The following UGT2A2 variants were observed in gnomAD, a reference collection of about 807,000 sequenced individuals.
UGT2A2 encodes UDP glucuronosyltransferase family 2 member A2.
A neutral mutation model predicts 50.7 loss-of-function variants in UGT2A2; 60 were observed. The observed-to-expected ratio is 1.18, with a 90% CI of 0.96 to 1.47. The LOEUF (loss-of-function observed/expected upper bound fraction) is 1.47. Among genes scored for constraint, UGT2A2 ranks in the 40% most tolerant of loss-of-function variants. The pLI, the probability that UGT2A2 is intolerant of heterozygous loss-of-function variation, is 0.00. For missense variants in UGT2A2, 762 were observed against 634.0 expected, an observed-to-expected ratio of 1.20 and a Z score of -2.17; for synonymous variants, 242 against 214.6, an observed-to-expected ratio of 1.13 and a Z score of -1.11.
chr4:69,618,192 T>TGC (rs1720514140), intron 1 of UGT2A2, among the ~76,000 whole-genome samples: 1 of 49,070 alleles, frequency 2.0e-5, no homozygotes, highest in East Asian at 6.1e-4. Context: ...TAAGCATGTG[T>TGC]GTGTGTGTGT....
chr4:69,633,372 G>T (rs1473915344), intron 1 of UGT2A2, among the ~76,000 whole-genome samples: 1 of 152,116 alleles, frequency 6.6e-6, no homozygotes, highest in East Asian at 1.9e-4. Context: ...TGGCTAGTAG[G>T]TTTACTAGTT....
rs1298114477 is a variant in UGT2A2 at position 69,588,776 on chromosome 4, T to C, written c.*596A>G. On this transcript the variant is annotated 3_prime_UTR_variant, in exon 6 of 6. Coordinates refer to ENST00000604629, the MANE Select transcript of UGT2A2 (RefSeq NM_001105677.2). ...AAGTTATGCCGTGATTTTCTAGATA[T>C]GCTTAATGAAAATTTTGTAGACATT... 6.6e-6 allele frequency: 1 copy of C among 152,106 alleles called. No homozygotes were observed. Among genetic ancestry groups the C allele is most frequent in the Non-Finnish European group, 1.5e-5 (1 of 68,028 alleles). The allele number at this position is 152,106 out of a possible 1,614,324, so 9.4% of individuals were successfully genotyped here.
chr4:69,639,435 A>G lies in UGT2A2; in HGVS notation c.206T>C (p.Phe69Ser), dbSNP rs763063281. ...VTVLASSATL[F>S]INSNPDSPVN... ...AGGAGAATCGGGATTGGAGTTGATG[A>G]ATAGAGTTGCTGATGAAGCCAGTAC... is the stretch of plus-strand genomic sequence containing the variant. Residue 69 changes from phenylalanine (F) to serine (S), a missense_variant, in exon 1 of 6, where the codon TTC becomes TCC. Transcript: ENST00000604629. 1.2e-6 allele frequency: 2 copies of G among 1,613,148 alleles called. No homozygotes were observed. The highest frequency in any genetic ancestry group is 2.7e-5 in the African/African-American group (2 of 74,894).
At position 69,639,486 on chromosome 4, in the gene UGT2A2, A is replaced by C. The variant is rs202077950; in HGVS notation, c.155T>G (p.Leu52Trp). 305 of 1,613,296 alleles carry C rather than the reference A, an allele frequency of 1.9e-4. 2 individuals carry two copies. The highest frequency in any genetic ancestry group is 6.5e-4 in the South Asian group (59 of 90,944). The change falls in exon 1 of 6, where the codon TTG becomes TGG. Residue 52 changes from leucine (L) to tryptophan (W), a missense_variant. Coordinates refer to ENST00000604629, the MANE Select transcript of UGT2A2 (RefSeq NM_001105677.2). ...AGTCACATTGTGATTTCTTTGAATC[A>C]ACTCTTCTAGAATAATCTTAATATT... ...WLNIKIILEE[L>W]IQRNHNVTVL...
At chr4:69,624,992 T>G (rs1720960812) in intron 1 of UGT2A2, among the ~76,000 whole-genome samples, 1 of 141,940 alleles carries the variant, frequency 7.0e-6, no homozygotes, top group East Asian at 2.0e-4. Flanking sequence ...TTTTCTTGGT[T>G]CTTGTAGCAA....
chr4:69,611,176 T>C (rs377309987), intron 1 of UGT2A2, among the ~76,000 whole-genome samples: 1 of 151,768 alleles, frequency 6.6e-6, no homozygotes, highest in Non-Finnish European at 1.5e-5. Flanking sequence ...GACAGAATCT[T>C]GCTCTGTCAC....
intron 1 of UGT2A2, among the ~76,000 whole-genome samples, chr4:69,623,394 C>T (rs1449677916): frequency 1.3e-5 from 2 of 151,660 alleles, no homozygotes; most frequent in Non-Finnish European, 2.9e-5. Context: ...CTCGAAGTAA[C>T]ACCACAAAGG....
Position 69,605,077 on chromosome 4 carries a change from C to G in UGT2A2, c.743-5683G>C, listed in dbSNP as rs185798656. On this transcript the variant is annotated intron_variant, in intron 1 of 5. Transcript: ENST00000604629. ...AGCTCTGCACCAAGTAGACCTAATA[C>G]ACATCTACAGAATTATCCACCCCAA... 2.2e-5 allele frequency among the ~76,000 whole-genome samples: 3 copies of G among 136,808 alleles called. 1 individual carries two copies. The East Asian group carries it at 6.2e-4, about 28-fold the overall frequency. The allele number at this position is 136,808 out of a possible 152,430, so 89.8% of individuals were successfully genotyped here. A position where few individuals can be genotyped will look rare whatever the true frequency, so the allele number is the denominator to read the frequency against.
chr4:69,631,477 C>T (rs1388261766), intron 1 of UGT2A2, among the ~76,000 whole-genome samples: 2 of 152,012 alleles, frequency 1.3e-5, no homozygotes, highest in Non-Finnish European at 2.9e-5. Flanking sequence ...AGAAAGTAGG[C>T]TGTCAACAGA....
chr4:69,599,098 A>G, intron 2 of UGT2A2, 148 bp downstream of exon 2: 1 of 1,193,538 alleles, frequency 8.4e-7, no homozygotes, highest in African/African-American at 1.5e-5. Context: ...TATCACTTGT[A>G]GGAGACCTCT....
intron 1 of UGT2A2, among the ~76,000 whole-genome samples, chr4:69,602,187 G>A (rs1719334111): frequency 7.8e-6 from 1 of 127,982 alleles, no homozygotes; most frequent in Non-Finnish European, 1.7e-5. Context: ...AAGGTAAAAA[G>A]AGGAAAATCC....
rs182288703 is a variant in UGT2A2 at position 69,592,628 on chromosome 4, T to C, written c.1331+1849A>G. ...CTCATGGTAAAAATAATAAATTTAC[T>C]AATTTGTGAACTATTGGAGGCAATC... On this transcript the variant is annotated intron_variant, in intron 5 of 5. Transcript: ENST00000604629. Among the ~76,000 whole-genome samples, 20 of 152,280 alleles carry C rather than the reference T, an allele frequency of 1.3e-4. No homozygotes were observed. In the East Asian group the frequency reaches 3.5e-3, roughly 26 times the overall value.
intron 1 of UGT2A2, among the ~76,000 whole-genome samples, chr4:69,616,834 T>TA (rs1553905498): frequency 7.3e-4 from 9 of 12,250 alleles, no homozygotes; most frequent in African/African-American, 2.6e-3. Context: ...TTTTCTTTTC[T>TA]TTTTTTTTTT....
chr4:69,609,610 G>A (rs6839067), intron 1 of UGT2A2, among the ~76,000 whole-genome samples: 58,083 of 151,962 alleles, frequency 0.38, 11,293 homozygotes, highest in African/African-American at 0.43. Flanking sequence ...CACCCTACTC[G>A]TGAAAGTATA....
At chr4:69,605,236 G>A (rs1181522663) in intron 1 of UGT2A2, among the ~76,000 whole-genome samples, 2 of 136,832 alleles carry the variant, frequency 1.5e-5, no homozygotes, top group Non-Finnish European at 3.1e-5. Context: ...AGACCACAGA[G>A]CAATCAAATT....
intron 1 of UGT2A2, among the ~76,000 whole-genome samples, chr4:69,616,833 CTT>C (rs4148315): frequency 0.28 from 35,242 of 127,088 alleles, 3,925 homozygotes; most frequent in Middle Eastern, 0.3. Flanking sequence ...ATTTTCTTTT[CTT>C]TTTTTTTTTT....
At chr4:69,599,596 G>T in intron 1 of UGT2A2, 1 of 728,398 alleles carries the variant, frequency 1.4e-6, no homozygotes, top group Non-Finnish European at 1.9e-6. Context: ...AGAAAAGAAG[G>T]AAGGAAGGGA....
intron 1 of UGT2A2, among the ~76,000 whole-genome samples, chr4:69,618,932 A>G (rs990254148): frequency 3.3e-5 from 5 of 152,052 alleles, no homozygotes; most frequent in Admixed American, 1.3e-4. Flanking sequence ...AAAACTCAGG[A>G]TCAAGACAAA....
At chr4:69,628,907 G>C (rs1230612004) in intron 1 of UGT2A2, among the ~76,000 whole-genome samples, 1 of 151,548 alleles carries the variant, frequency 6.6e-6, no homozygotes, top group African/African-American at 2.4e-5. Context: ...TCTACACTGA[G>C]AGAGATAATC....
Sources: gnomAD v4.1 joint callset for allele counts (sites outside exome capture counted in the v4.1 genomes callset) on GRCh38, gnomAD v4.1.1 for gene constraint, MANE v1.5 for transcripts, NCBI Gene and HGNC (gene_info 2026-07-23, HGNC 2026-07-21) for gene names.